E2F8: variants seen among roughly 807,000 people sequenced by gnomAD.
E2F8 encodes transcription factor E2F8.
A neutral mutation model predicts 80.8 loss-of-function variants in E2F8; 35 were observed. The ratio of observed to expected loss-of-function variants is 0.43; its 90% CI spans 0.33 to 0.57. The LOEUF is 0.57. E2F8 is among the 20% of genes least tolerant of loss of function. E2F8 has a pLI of 0.04. For missense variants in E2F8, 975 were observed against 1,056.2 expected (o/e 0.92, Z 1.07); for synonymous variants, 386 against 395.0 (o/e 0.98, Z 0.27).
rs778802223 is a variant in E2F8, at chr11:19,224,647, A to G, written c.*11T>C. 9.3e-6 allele frequency: 15 copies of G among 1,611,776 alleles called. No individual in the cohort carries two copies. The highest frequency in any genetic ancestry group is 1.3e-5 in the Non-Finnish European group (15 of 1,178,218). On this transcript the variant is annotated 3_prime_UTR_variant, in exon 13 of 13. Transcript: ENST00000250024. ...CTCTTTAGAAAATTAAACTAAGCCA[A>G]CATCTGTTGATTAATGGACATCCTC...
chr11:19,235,666 CAAAA>C (rs57848611), intron 4 of E2F8, among the ~76,000 whole-genome samples: 1 of 147,528 alleles, frequency 6.8e-6, no homozygotes, highest in African/African-American at 2.5e-5. Context: ...AACAAACAAA[CAAAA>C]AAAAAAAACG....
In E2F8 at chr11:19,229,639, T is replaced by A. The variant is rs1424796970; in HGVS notation, c.1708A>T (p.Thr570Ser). Reference protein sequence around the residue: ...DATTEKAANDTSKASASTRPG... With the variant: ...DATTEKAANDSSKASASTRPG... ...CTGGTAGAGGCACTGGCCTTTGAGG[T>A]ATCATTGGCTGCCTTCTCAGTGGTG... The change falls in exon 10 of 13, where the codon ACC becomes TCC. Residue 570 changes from threonine to serine, a missense_variant. Transcript: ENST00000250024. This position sits in a 1 kb window ranked among gnomAD's most constrained non-coding sequence, Gnocchi z 4.3. 5 of 1,614,050 alleles carry A rather than the reference T, an allele frequency of 3.1e-6. No homozygotes were observed. Among genetic ancestry groups the A allele is most frequent in the Non-Finnish European group, 3.4e-6 (4 of 1,180,032 alleles).
chr11:19,238,362 C>T (rs1851578231), intron 2 of E2F8, among the ~76,000 whole-genome samples: 1 of 152,138 alleles, frequency 6.6e-6, no homozygotes, highest in African/African-American at 2.4e-5. Flanking sequence ...TAAATGTTTT[C>T]ACCTTATGTT....
At chr11:19,224,943 G>GA (rs1433422147) in intron 12 of E2F8, 103 bp from the exon 13 acceptor site, 1 of 1,365,426 alleles carries the variant, frequency 7.3e-7, no homozygotes, top group African/African-American at 1.5e-5. Flanking sequence ...TGCACATTGG[G>GA]AAACTGGCGT....
At chr11:19,232,446 T>C (rs1203297805) in intron 6 of E2F8, 75 bp from the exon 7 acceptor site, 3 of 1,303,596 alleles carry the variant, frequency 2.3e-6, no homozygotes, top group African/African-American at 1.5e-5. Flanking sequence ...AAGGACTTCA[T>C]GTATATTCTA....
chr11:19,241,116 G>C (rs1851652488), upstream of E2F8, among the ~76,000 whole-genome samples: 1 of 152,252 alleles, frequency 6.6e-6, no homozygotes, highest in African/African-American at 2.4e-5. This position sits in a 1 kb window ranked among gnomAD's most constrained non-coding sequence, Gnocchi z 4.5. Flanking sequence ...GGCGGGGCCG[G>C]ACCTTCCGCC....
chr11:19,230,550 A>G, intron 8 of E2F8, 81 bp downstream of exon 8: 1 of 1,466,868 alleles, frequency 6.8e-7, no homozygotes, highest in East Asian at 2.3e-5. Context: ...TCTGACAACT[A>G]TTGCAAGGAT....
intron 3 of E2F8, 126 bp from the exon 4 acceptor site, chr11:19,237,596 A>G: frequency 8.7e-7 from 1 of 1,155,252 alleles, no homozygotes. Flanking sequence ...CAAAGTCTGG[A>G]TGGGAGAAAA....
Position 19,235,049 on chromosome 11 carries a change from C to T in E2F8, c.461G>A (p.Arg154His), listed in dbSNP as rs1212690643. The T allele has an allele frequency of 1.9e-6, 3 of 1,602,324 alleles. No homozygotes were observed. Among genetic ancestry groups the T allele is most frequent in the African/African-American group, 1.3e-5 (1 of 74,240 alleles). Residue 154 changes from arginine to histidine, a missense_variant, in exon 5 of 13, where the codon CGT becomes CAT. By Grantham distance (29) the Arg-to-His change is conservative. Coordinates refer to ENST00000250024, the MANE Select transcript of E2F8 (RefSeq NM_024680.4). ...DEVAEELNVE[R>H]RRIYDIVNVL... ...GTTCACGATATCGTAAATGCGTCGA[C>T]GTTCAACATCTACAAAGAATGTGCA...
chr11:19,227,692 T>C (rs1396363311), intron 10 of E2F8, among the ~76,000 whole-genome samples: 1 of 152,246 alleles, frequency 6.6e-6, no homozygotes, highest in African/African-American at 2.4e-5. Context: ...ACTTATCTTC[T>C]TTCCACCCCT....
chr11:19,225,028 C>T, intron 12 of E2F8, 188 bp from the exon 13 acceptor site: 1 of 1,125,130 alleles, frequency 8.9e-7, no homozygotes, highest in Non-Finnish European at 1.3e-6. Flanking sequence ...AGACAAAAAT[C>T]TCATGATAAC....
At chr11:19,237,798 C>T (rs1851559171) in intron 3 of E2F8, 56 bp downstream of exon 3, 5 of 1,556,816 alleles carry the variant, frequency 3.2e-6, no homozygotes, top group Non-Finnish European at 3.5e-6. Context: ...TAGCTACAAC[C>T]TCCCCCCTCC....
At position 19,225,478 on chromosome 11, in the gene E2F8, G is replaced by A; in HGVS notation, c.2164C>T (p.His722Tyr). Residue 722 changes from histidine (H) to tyrosine (Y), a missense_variant, in exon 12 of 13, where the codon CAC (histidine) becomes TAC (tyrosine). His to Tyr is a moderately conservative substitution (Grantham distance 83, BLOSUM62 2). Transcript: ENST00000250024. ...CTTGGGTTCTGGATGGGAACAGGGTGGCTTGAAGCGAGAGCCGGGCTGTTC... is the reference window on the plus strand; with the variant it reads ...CTTGGGTTCTGGATGGGAACAGGGTAGCTTGAAGCGAGAGCCGGGCTGTTC... ...VGNSPALASS[H>Y]PVPIQNPSSA... The A allele has an allele frequency of 1.9e-6, 3 of 1,614,202 alleles. No homozygotes were observed. Among genetic ancestry groups the A allele is most frequent in the East Asian group, 4.5e-5 (2 of 44,876 alleles).
chr11:19,230,383 C>T (rs1851345745), intron 8 of E2F8, 55 bp from the exon 9 acceptor site: 1 of 1,552,998 alleles, frequency 6.4e-7, no homozygotes. Flanking sequence ...CAAATGTTCA[C>T]ACAGATGAAA....
intron 7 of E2F8, 71 bp from the exon 8 acceptor site, chr11:19,230,905 A>G: frequency 6.9e-7 from 1 of 1,441,226 alleles, no homozygotes. Context: ...AAATAAAACA[A>G]TTTTAGGAAT....
In E2F8 at chr11:19,225,381, G is replaced by A. The variant is rs1363272324; in HGVS notation, c.2261C>T (p.Pro754Leu). Residue 754 changes from proline (P) to leucine (L), a missense_variant, in exon 12 of 13, where the codon CCT becomes CTT. Coordinates refer to ENST00000250024, the MANE Select transcript of E2F8 (RefSeq NM_024680.4). ...ISPNVQLSASPGSGIVPVSPR... is the reference protein window; with the variant it reads ...ISPNVQLSASLGSGIVPVSPR... ...AGACACAGGAACGATTCCAGACCCAGGGCTGGCAGACAACTGCACATTGGG... is the reference window on the plus strand; with the variant it reads ...AGACACAGGAACGATTCCAGACCCAAGGCTGGCAGACAACTGCACATTGGG... 1 of 1,614,188 alleles carries A rather than the reference G, an allele frequency of 6.2e-7. No homozygotes were observed. Among genetic ancestry groups the A allele is most frequent in the Non-Finnish European group, 8.5e-7 (1 of 1,180,028 alleles).
rs1311989886 is a variant in E2F8, at chr11:19,230,759, T to A, written c.1142A>T (p.Asn381Ile). 1 of 1,613,672 alleles carries A rather than the reference T, an allele frequency of 6.2e-7. No individual in the cohort carries two copies. Among genetic ancestry groups the A allele is most frequent in the Non-Finnish European group, 8.5e-7 (1 of 1,179,890 alleles). ...RRSSKENCAKNLFSTRGKPNF... is the reference protein window; with the variant it reads ...RRSSKENCAKILFSTRGKPNF... ...TGGTTTCCCACGTGTGGAAAAGAGG[T>A]TTTTGGCACAGTTCTCTTTTGAAGA... The change falls in exon 8 of 13, where the codon AAC becomes ATC. Residue 381 changes from asparagine to isoleucine, a missense_variant. Transcript: ENST00000250024.
rs201056890 is a variant in E2F8 at position 19,234,950 on chromosome 11, T to C, written c.560A>G (p.Asn187Ser). 1.4e-5 allele frequency: 23 copies of C among 1,614,246 alleles called. No homozygotes were observed. Among genetic ancestry groups the C allele is most frequent in the Middle Eastern group, 1.6e-4 (1 of 6,062 alleles). ...RYTWHGRHNL[N>S]KTLGTLKSIG... is the part of the protein sequence containing the mutation. ...GCTCTTCAAGGTGCCAAGGGTTTTG[T>C]TGAGATTGTGTCGCCCGTGCCAAGT... The change falls in exon 5 of 13, where the codon AAC (asparagine) becomes AGC (serine). Residue 187 changes from asparagine (N) to serine (S), a missense_variant. Coordinates refer to ENST00000250024, the MANE Select transcript of E2F8 (RefSeq NM_024680.4).
chr11:19,224,848 G>A lies in E2F8; in HGVS notation c.2422-8C>T. The A allele has an allele frequency of 6.2e-7, 1 of 1,613,966 alleles. No homozygotes were observed. The highest frequency in any genetic ancestry group is 8.5e-7 in the Non-Finnish European group (1 of 1,179,964). On this transcript the variant is annotated splice_polypyrimidine_tract_variant and splice_region_variant and intron_variant, in intron 12 of 12. Transcript: ENST00000250024. ...GGGTGTCACAGGAACAGGCTGATTG[G>A]AAAGAGAAGAATGGACAAAAGAAGT...
Sources: gnomAD v4.1 joint callset for allele counts (sites outside exome capture counted in the v4.1 genomes callset) on GRCh38, gnomAD v4.1.1 for gene constraint, Gnocchi (gnomAD v3.1) non-coding constraint, MANE v1.5 for transcripts, NCBI Gene and HGNC (gene_info 2026-07-23, HGNC 2026-07-21) for gene names.